The following ATP6V1A variants were observed in gnomAD, a reference collection of about 807,000 sequenced individuals.
ATP6V1A encodes the protein V-type proton ATPase catalytic subunit A.
ATP6V1A carries 18 observed loss-of-function variants against 70.1 expected under a neutral mutation model. The ratio of observed to expected loss-of-function variants is 0.26; its 90% CI spans 0.18 to 0.38. The LOEUF is 0.38. Ranked by LOEUF, ATP6V1A falls within the 10% of genes least tolerant of loss-of-function variation. ATP6V1A has a pLI of 1.00. For missense variants in ATP6V1A, 424 were observed against 772.4 expected (o/e 0.55, Z 5.35); for synonymous variants, 232 against 253.8 (o/e 0.91, Z 0.82).
rs143184798 is a variant in ATP6V1A, at chr3:113,812,011, A to T, written c.*2584A>T. The T allele has an allele frequency of 2.0e-5, 3 of 152,752 alleles. No homozygotes were observed. Among genetic ancestry groups the T allele is most frequent in the East Asian group, 1.9e-4 (1 of 5,190 alleles). The allele number at this position is 152,752 out of a possible 1,614,324, so 9.5% of individuals were successfully genotyped here. ...ACTACCTTTATGTTAAAAGTTGTGT[A>T]TAATTGTTAAAATCTGTGAAAGAAT... is the stretch of plus-strand genomic sequence containing the variant. On this transcript the variant is annotated 3_prime_UTR_variant, in exon 15 of 15. Coordinates refer to ENST00000273398, the MANE Select transcript of ATP6V1A (RefSeq NM_001690.4).
chr3:113,776,996 G>A (rs1477573158), intron 1 of ATP6V1A, among the ~76,000 whole-genome samples: 1 of 152,132 alleles, frequency 6.6e-6, no homozygotes, highest in Non-Finnish European at 1.5e-5. Context: ...TAGTAAATAA[G>A]GGTATATTAT....
At chr3:113,747,613 C>T (rs1456700043) in intron 1 of ATP6V1A, among the ~76,000 whole-genome samples, 2 of 152,184 alleles carry the variant, frequency 1.3e-5, no homozygotes, top group African/African-American at 4.8e-5. Flanking sequence ...AAGCTTCCCT[C>T]CGAATGTGCT....
chr3:113,783,518 C>CATATGTGAA (rs1709004015), intron 3 of ATP6V1A, among the ~76,000 whole-genome samples: 2 of 152,202 alleles, frequency 1.3e-5, no homozygotes, highest in Admixed American at 6.5e-5. Flanking sequence ...TCCTCAGCAG[C>CATATGTGAA]ATATGTGAAG....
chr3:113,758,050 A>G (rs569671864), intron 1 of ATP6V1A, among the ~76,000 whole-genome samples: 1 of 152,250 alleles, frequency 6.6e-6, no homozygotes, highest in South Asian at 2.1e-4. Context: ...AGGCTGAGGG[A>G]GGAGAATCAC....
chr3:113,786,107 A>G lies in ATP6V1A; in HGVS notation c.565-125A>G, dbSNP rs1027114809. The G allele has an allele frequency of 1.7e-4, 113 of 650,888 alleles. 1 individual carries two copies. The highest frequency in any genetic ancestry group is 2.4e-4 in the Non-Finnish European group (105 of 442,088). The allele number at this position is 650,888 out of a possible 1,614,324, so 40.3% of individuals were successfully genotyped here. On this transcript the variant is annotated intron_variant, in intron 5 of 14. Transcript: ENST00000273398. Reference sequence around the variant, plus strand: ...TATATAATTAATTATAATAAAAAGTATAAATCTCCCTTTGCACTTACATGT... The same window carrying G: ...TATATAATTAATTATAATAAAAAGTGTAAATCTCCCTTTGCACTTACATGT...
At position 113,788,729 on chromosome 3, in the gene ATP6V1A, A is replaced by C. The variant is rs1383329082; in HGVS notation, c.733A>C (p.Thr245Pro). The change falls in exon 7 of 15, where the codon ACT (threonine) becomes CCT (proline). Residue 245 changes from threonine (T) to proline (P), a missense_variant. By Grantham distance (38) the Thr-to-Pro change is conservative. This residue lies in a region of ATP6V1A where 22 missense variants were observed against 45.6 expected (regional missense o/e 0.48). Coordinates refer to ENST00000273398, the MANE Select transcript of ATP6V1A (RefSeq NM_001690.4). Reference sequence around the variant, plus strand: ...TTTGTTTAGGTGTGTCCAGGGAGGAACTACTGCTATCCCTGGAGCCTTTGG... The same window carrying C: ...TTTGTTTAGGTGTGTCCAGGGAGGACCTACTGCTATCCCTGGAGCCTTTGG... ...DALFPCVQGGTTAIPGAFGCG... is the reference protein window; with the variant it reads ...DALFPCVQGGPTAIPGAFGCG... 1 of 1,613,694 alleles carries C rather than the reference A, an allele frequency of 6.2e-7. No individual in the cohort carries two copies. The highest frequency in any genetic ancestry group is 1.7e-5 in the Admixed American group (1 of 59,952).
At position 113,767,204 on chromosome 3, in the gene ATP6V1A, G is replaced by A. The variant is rs532505560; in HGVS notation, c.-13-11537G>A. Among the ~76,000 whole-genome samples, 4 of 148,258 alleles carry A rather than the reference G, an allele frequency of 2.7e-5. No homozygotes were observed. The East Asian group carries it at 8.0e-4, about 30-fold the overall frequency. ...CTTCCTGGGTTCAAGCAATTCTCCT[G>A]CCTCAGCGCCCCGAGTAGCTGGGAT... On this transcript the variant is annotated intron_variant, in intron 1 of 14. Transcript: ENST00000273398.
chr3:113,771,429 C>CTTTTTTTTTTT (rs772278685), intron 1 of ATP6V1A, among the ~76,000 whole-genome samples: 1 of 112,596 alleles, frequency 8.9e-6, no homozygotes, highest in Non-Finnish European at 1.8e-5. Flanking sequence ...ATATTTTTCT[C>CTTTTTTTTTTT]TTTTTTTTTT....
At chr3:113,763,026 C>G (rs1229558014) in intron 1 of ATP6V1A, among the ~76,000 whole-genome samples, 1 of 152,052 alleles carries the variant, frequency 6.6e-6, no homozygotes, top group East Asian at 1.9e-4. Context: ...TTGACCTTTT[C>G]TTGATGGTTA....
chr3:113,805,557 T>A, intron 14 of ATP6V1A, 32 bp downstream of exon 14: 1 of 1,564,968 alleles, frequency 6.4e-7, no homozygotes, highest in Non-Finnish European at 8.7e-7. Context: ...ACTTTTTTTA[T>A]TTGGAAATGC....
intron 12 of ATP6V1A, among the ~76,000 whole-genome samples, chr3:113,802,338 T>A (rs983250184): frequency 6.6e-6 from 1 of 152,180 alleles, no homozygotes; most frequent in Non-Finnish European, 1.5e-5. Context: ...TTTAATTAAT[T>A]AATTTATTTA....
intron 1 of ATP6V1A, among the ~76,000 whole-genome samples, chr3:113,757,191 G>A (rs1708654963): frequency 6.6e-6 from 1 of 152,116 alleles, no homozygotes; most frequent in Non-Finnish European, 1.5e-5. Context: ...CCTGAATATG[G>A]CCCTGTAGTA....
intron 2 of ATP6V1A, among the ~76,000 whole-genome samples, chr3:113,779,854 A>T (rs1295674899): frequency 6.6e-6 from 1 of 152,168 alleles, no homozygotes; most frequent in African/African-American, 2.4e-5. Context: ...ATTTTATTTT[A>T]AAAATTTTTT....
chr3:113,772,778 A>T (rs565596372), intron 1 of ATP6V1A, among the ~76,000 whole-genome samples: 41 of 152,062 alleles, frequency 2.7e-4, no homozygotes, highest in Non-Finnish European at 2.6e-4. Context: ...TTTACACTTT[A>T]AAACTCGTGT....
chr3:113,763,100 T>C (rs1708724780), intron 1 of ATP6V1A, among the ~76,000 whole-genome samples: 1 of 151,282 alleles, frequency 6.6e-6, no homozygotes, highest in Non-Finnish European at 1.5e-5. Flanking sequence ...CATTTATTCT[T>C]TTTTTTTTGA....
At chr3:113,749,725 C>T (rs1049839357) in intron 1 of ATP6V1A, among the ~76,000 whole-genome samples, 1 of 152,134 alleles carries the variant, frequency 6.6e-6, no homozygotes, top group African/African-American at 2.4e-5. Context: ...ACTGAAGTAC[C>T]TGATAGGTAC....
At chr3:113,793,839 A>T (rs1709124254) in intron 8 of ATP6V1A, among the ~76,000 whole-genome samples, 1 of 152,156 alleles carries the variant, frequency 6.6e-6, no homozygotes, top group Non-Finnish European at 1.5e-5. Flanking sequence ...CCAGTAAAAT[A>T]AAAAAACCAA....
rs1489840006 is a variant in ATP6V1A, at chr3:113,789,728, C to T, written c.880-4C>T. On this transcript the variant is annotated splice_polypyrimidine_tract_variant and splice_region_variant and intron_variant, in intron 7 of 14. Transcript: ENST00000273398. ...AGATTCACTAATATATATTTTACCT[C>T]TAGCTCACAATGGAGGTTGATGGTA... is the stretch of plus-strand genomic sequence containing the variant. 6.3e-7 allele frequency: 1 copy of T among 1,591,730 alleles called. No homozygotes were observed. The highest frequency in any genetic ancestry group is 8.6e-7 in the Non-Finnish European group (1 of 1,160,258).
intron 1 of ATP6V1A, among the ~76,000 whole-genome samples, chr3:113,747,585 C>T (rs1157848415): frequency 1.3e-5 from 2 of 152,190 alleles, no homozygotes; most frequent in Non-Finnish European, 2.9e-5. Context: ...ATACGGCCCT[C>T]ACTGCAGAGT....
Sources: allele counts gnomAD v4.1 joint callset (sites outside exome capture counted in the v4.1 genomes callset), GRCh38; gene constraint gnomAD v4.1.1; regional missense constraint gnomAD v4.1.1; transcripts MANE v1.5; gene names NCBI Gene and HGNC (gene_info 2026-07-23, HGNC 2026-07-21).